Variants in GALNT9 observed in about 807,000 individuals in gnomAD.
The protein encoded by GALNT9 is polypeptide N-acetylgalactosaminyltransferase 9, also known as GalNAc transferase 9.
In GALNT9, 47 loss-of-function variants were observed where a neutral mutation model predicts 63.1. That is an observed-to-expected ratio of 0.75 (90% CI 0.59 to 0.95). The LOEUF is 0.95. Among genes scored for constraint, GALNT9 ranks in the 40% least tolerant of loss-of-function variants. The pLI is 0.00. For synonymous variants in GALNT9, 396 were observed against 365.7 expected, an observed-to-expected ratio of 1.08 and a Z score of -0.94; for missense variants, 829 against 874.8, an observed-to-expected ratio of 0.95 and a Z score of 0.66.
At chr12:132,230,021 GC>G (rs1877833832) in intron 6 of GALNT9, among the ~76,000 whole-genome samples, 1 of 152,236 alleles carries the variant, frequency 6.6e-6, no homozygotes, top group African/African-American at 2.4e-5. Flanking sequence ...TCCCGGTGCC[GC>G]CCCCTTGAAC....
intron 6 of GALNT9, among the ~76,000 whole-genome samples, chr12:132,222,430 A>C (rs1444955343): frequency 6.6e-6 from 1 of 152,094 alleles, no homozygotes; most frequent in African/African-American, 2.4e-5. Flanking sequence ...AAGTAGATAC[A>C]GTTCACAGTT....
chr12:132,205,921 A>G lies in GALNT9; in HGVS notation c.1078-2231T>C, dbSNP rs146629778. ...GTTTCGTGAGAAGGAGGGGGGAAGC[A>G]CCTCGGAGCCCTGCCCTTCGCTGGA... is the stretch of plus-strand genomic sequence containing the variant. On this transcript the variant is annotated intron_variant, in intron 6 of 10. Coordinates refer to ENST00000328957, the MANE Select transcript of GALNT9 (RefSeq NM_001122636.2). 4,906 of 152,194 alleles carry G rather than the reference A, an allele frequency of 0.032. 252 individuals are homozygous for G. Among genetic ancestry groups the G allele is most frequent in the African/African-American group, 0.11 (4,666 of 41,470 alleles). 9.4% of individuals were successfully genotyped at this position (152,194 alleles called of 1,614,324 possible). A position where few individuals can be genotyped will look rare whatever the true frequency, so the allele number is the denominator to read the frequency against.
intron 1 of GALNT9, among the ~76,000 whole-genome samples, chr12:132,295,273 G>C (rs551980775): frequency 6.6e-6 from 1 of 152,352 alleles, no homozygotes; most frequent in South Asian, 2.1e-4. Context: ...TGCAGGCAGG[G>C]AAGGAGAGGC....
chr12:132,318,373 A>C (rs1247985924), intron 1 of GALNT9, among the ~76,000 whole-genome samples: 1 of 152,186 alleles, frequency 6.6e-6, no homozygotes, highest in East Asian at 1.9e-4. Context: ...CGGGGAACCC[A>C]CATGGATGCC....
chr12:132,304,798 C>G (rs575850240), intron 1 of GALNT9, among the ~76,000 whole-genome samples: 2 of 42,468 alleles, frequency 4.7e-5, no homozygotes, highest in African/African-American at 8.6e-5. Flanking sequence ...CCCAGACACA[C>G]CCTCACCTGG....
chr12:132,241,605 C>A (rs1269481578), intron 6 of GALNT9, among the ~76,000 whole-genome samples: 22 of 65,468 alleles, frequency 3.4e-4, no homozygotes, highest in South Asian at 7.6e-4. Flanking sequence ...ATACCCATTA[C>A]ACACACAACA....
intron 6 of GALNT9, among the ~76,000 whole-genome samples, chr12:132,214,095 G>C (rs1449046675): frequency 6.6e-6 from 1 of 152,218 alleles, no homozygotes; most frequent in Non-Finnish European, 1.5e-5. Context: ...CCCTCACAAG[G>C]ATTACCAGGA....
intron 6 of GALNT9, among the ~76,000 whole-genome samples, chr12:132,219,697 CG>C (rs1877360420): frequency 7.9e-6 from 1 of 125,826 alleles, no homozygotes; most frequent in Non-Finnish European, 1.7e-5. Context: ...GACACCCGCC[CG>C]GGTAAGGGGA....
chr12:132,277,034 TACAC>T (rs145065264), intron 2 of GALNT9, among the ~76,000 whole-genome samples: 1 of 151,162 alleles, frequency 6.6e-6, no homozygotes, highest in African/African-American at 2.4e-5. Flanking sequence ...CATGCACACA[TACAC>T]ACACACACAC....
intron 5 of GALNT9, among the ~76,000 whole-genome samples, chr12:132,250,985 G>A (rs564905011): frequency 6.6e-5 from 10 of 152,322 alleles, no homozygotes; most frequent in Non-Finnish European, 1.0e-4. Flanking sequence ...ACAGCAGCGC[G>A]CGCGTAAGAC....
intron 5 of GALNT9, among the ~76,000 whole-genome samples, chr12:132,254,589 T>G (rs919222230): frequency 2.6e-5 from 4 of 152,230 alleles, no homozygotes; most frequent in Non-Finnish European, 4.4e-5. Context: ...AGCTGATTTC[T>G]GATGGGGCTC....
intron 6 of GALNT9, among the ~76,000 whole-genome samples, chr12:132,239,589 G>C (rs1878158919): frequency 6.6e-6 from 1 of 151,846 alleles, no homozygotes; most frequent in Admixed American, 6.6e-5. Flanking sequence ...GAGACACAGA[G>C]AGACAGAGAG....
intron 1 of GALNT9, among the ~76,000 whole-genome samples, chr12:132,303,556 C>G (rs1269350568): frequency 4.4e-5 from 6 of 135,518 alleles, no homozygotes; most frequent in Admixed American, 7.4e-5. Context: ...CACACCCTCA[C>G]CCAGACACAG....
intron 8 of GALNT9, among the ~76,000 whole-genome samples, chr12:132,199,664 G>C (rs1007877512): frequency 6.6e-6 from 1 of 152,126 alleles, no homozygotes; most frequent in Non-Finnish European, 1.5e-5. Flanking sequence ...ACCCTTGGGA[G>C]ACCTTCCAGC....
chr12:132,270,874 G>A (rs1424941226), intron 2 of GALNT9, among the ~76,000 whole-genome samples: 1 of 152,120 alleles, frequency 6.6e-6, no homozygotes, highest in East Asian at 1.9e-4. Context: ...CACACACAGG[G>A]AGGAAGGGGA....
intron 1 of GALNT9, among the ~76,000 whole-genome samples, chr12:132,308,157 G>A (rs1489831889): frequency 1.3e-5 from 2 of 152,218 alleles, no homozygotes; most frequent in Non-Finnish European, 2.9e-5. Flanking sequence ...CGTGGCCAAC[G>A]GCGCCTGGAG....
At chr12:132,224,881 A>C (rs1158443926) in intron 6 of GALNT9, among the ~76,000 whole-genome samples, 3 of 145,144 alleles carry the variant, frequency 2.1e-5, no homozygotes, top group Non-Finnish European at 4.5e-5. Flanking sequence ...CCCCACACAT[A>C]CCACACAATC....
At position 132,279,789 on chromosome 12, in the gene GALNT9, T is replaced by A. The variant is rs1333930428; in HGVS notation, c.419+6461A>T. 1.3e-5 allele frequency: 2 copies of A among 152,136 alleles called. No homozygotes were observed. The highest frequency in any genetic ancestry group is 2.9e-5 in the Non-Finnish European group (2 of 68,072). 9.4% of individuals were successfully genotyped at this position (152,136 alleles called of 1,614,324 possible). A position where few individuals can be genotyped will look rare whatever the true frequency, so the allele number is the denominator to read the frequency against. On this transcript the variant is annotated intron_variant, in intron 2 of 10. Transcript: ENST00000328957. This position sits in a 1 kb window ranked among gnomAD's most constrained non-coding sequence, Gnocchi z 4.1. ...TCCTGGATGCCCAGTGTCCGCCGGG[T>A]CTCCTGGATTCACCGTGGTCACTGC... is the stretch of plus-strand genomic sequence containing the variant.
chr12:132,240,760 G>C, intron 6 of GALNT9: 2 of 455,414 alleles, frequency 4.4e-6, no homozygotes, highest in Non-Finnish European at 8.8e-6. Flanking sequence ...ATCACCAGCA[G>C]AATTGGAATG....
Sources: allele counts gnomAD v4.1 joint callset (sites outside exome capture counted in the v4.1 genomes callset), GRCh38; gene constraint gnomAD v4.1.1; non-coding constraint Gnocchi (gnomAD v3.1); transcripts MANE v1.5; gene names NCBI Gene and HGNC (gene_info 2026-07-23, HGNC 2026-07-21).